ANKRD36: variants seen among roughly 807,000 people sequenced by gnomAD.
ANKRD36 encodes ankyrin repeat domain-containing protein 36A.
In ANKRD36, 179 loss-of-function variants were observed where a neutral mutation model predicts 278.1. That is an observed-to-expected ratio of 0.64 (90% CI 0.57 to 0.73). The LOEUF (loss-of-function observed/expected upper bound fraction) is 0.73, where lower values mean the gene tolerates loss of function less well. ANKRD36 is among the 30% of genes least tolerant of loss of function. The probability of loss-of-function intolerance (pLI) is 0.00; values close to 1 mark genes in which losing one functional copy is unlikely to be tolerated. For synonymous variants in ANKRD36, 320 were observed against 641.1 expected (o/e 0.50, Z 7.57); for missense variants, 1,159 against 1,956.7 (o/e 0.59, Z 7.69).
In ANKRD36 at chr2:97,144,643, A is replaced by G; in HGVS notation, c.934A>G (p.Thr312Ala). 2 of 1,544,266 alleles carry G rather than the reference A, an allele frequency of 1.3e-6. No individual in the cohort carries two copies. The highest frequency in any genetic ancestry group is 1.7e-6 in the Non-Finnish European group (2 of 1,147,702). Residue 312 changes from threonine (T) to alanine (A), a missense_variant, in exon 10 of 76, where the codon ACA (threonine) becomes GCA (alanine). By Grantham distance (58) the Thr-to-Ala change is moderately conservative (BLOSUM62 0). Transcript: ENST00000420699. Reference protein sequence around the residue: ...SSQKQPALKDTSDKDDSVSNT... With the variant: ...SSQKQPALKDASDKDDSVSNT... ...TTTTGTTTGAAATCCCACTCAGGATACAAGTGACAAGGATGATTCTGTTTC... is the reference window on the plus strand; with the variant it reads ...TTTTGTTTGAAATCCCACTCAGGATGCAAGTGACAAGGATGATTCTGTTTC...
rs1277613630 is a variant in ANKRD36, at chr2:97,144,730, A to G, written c.1003+18A>G. On this transcript the variant is annotated intron_variant, in intron 10 of 75. Transcript: ENST00000420699. ...TGGGACAGGTAATTTTGCAATACAC[A>G]TTTAATGCCATGTACAGTCAAGATA... The G allele has an allele frequency of 9.1e-6, 14 of 1,543,128 alleles. 1 individual carries two copies. The highest frequency in any genetic ancestry group is 1.4e-5 in the African/African-American group (1 of 72,950).
At chr2:97,221,277 C>T (rs2067586741) in intron 66 of ANKRD36, among the ~76,000 whole-genome samples, 1 of 92,154 alleles carries the variant, frequency 1.1e-5, no homozygotes, top group Non-Finnish European at 1.9e-5. Flanking sequence ...ATTTATAGTC[C>T]TTTGGGTATA....
intron 38 of ANKRD36, among the ~76,000 whole-genome samples, chr2:97,193,974 TATCTA>T (rs1172676074): frequency 6.6e-6 from 1 of 151,700 alleles, no homozygotes; most frequent in Non-Finnish European, 1.5e-5. Context: ...AACTGAGTAA[TATCTA>T]ATGCTTGTAG....
At chr2:97,144,736 T>A in intron 10 of ANKRD36, 24 bp downstream of exon 10, 1 of 1,542,698 alleles carries the variant, frequency 6.5e-7, no homozygotes, top group East Asian at 2.4e-5. Context: ...ACACATTTAA[T>A]GCCATGTACA....
chr2:97,164,514 A>G lies in ANKRD36; in HGVS notation c.1531+45A>G, dbSNP rs1196819006. ...TTTCGTTCTAGAAAATGTAGATGAA[A>G]ATATTGAAAATGCTCATAGTTTTTT... On this transcript the variant is annotated intron_variant, in intron 20 of 75. Coordinates refer to ENST00000420699, the MANE Select transcript of ANKRD36 (RefSeq NM_001354587.1). 22 of 1,520,642 alleles carry G rather than the reference A, an allele frequency of 1.4e-5. No individual in the cohort carries two copies. In the East Asian group the frequency reaches 5.4e-4, roughly 37 times the overall value. 94.2% of individuals were successfully genotyped at this position (1,520,642 alleles called of 1,614,324 possible).
chr2:97,213,949 T>C (rs1248522752), intron 60 of ANKRD36, among the ~76,000 whole-genome samples: 1 of 151,690 alleles, frequency 6.6e-6, no homozygotes, highest in Non-Finnish European at 1.5e-5. Flanking sequence ...ATGAAGTATA[T>C]ATTTTACAGA....
At chr2:97,190,585 C>T (rs535360562) in intron 34 of ANKRD36, among the ~76,000 whole-genome samples, 11 of 151,514 alleles carry the variant, frequency 7.3e-5, no homozygotes, top group Non-Finnish European at 1.5e-4. Context: ...TGGTATAAAT[C>T]CTTTTGATTT....
intron 22 of ANKRD36, among the ~76,000 whole-genome samples, chr2:97,170,850 A>G (rs1575268709): frequency 6.6e-6 from 1 of 150,804 alleles, no homozygotes; most frequent in East Asian, 2.0e-4. Context: ...AAACAAATTT[A>G]CAAGAAAAAA....
At position 97,118,327 on chromosome 2, in the gene ANKRD36, C is replaced by T. The variant is rs543567723; in HGVS notation, c.313-17C>T. 9.3e-6 allele frequency: 15 copies of T among 1,610,184 alleles called. No homozygotes were observed. The highest frequency in any genetic ancestry group is 2.2e-5 in the East Asian group (1 of 44,882). ...GATTTTTCAGTATTTGCATGTTTCT[C>T]GGTCTAATACTGACAGGCTGTACAA... On this transcript the variant is annotated splice_polypyrimidine_tract_variant and intron_variant, in intron 2 of 75. Transcript: ENST00000420699.
intron 58 of ANKRD36, chr2:97,212,765 T>A (rs1184202495): frequency 1.2e-5 from 2 of 167,590 alleles, no homozygotes; most frequent in Non-Finnish European, 2.6e-5. Flanking sequence ...TTTGGTGCCA[T>A]GAGTGGATGA....
chr2:97,188,332 A>T (rs985493483), intron 32 of ANKRD36, among the ~76,000 whole-genome samples: 1 of 151,130 alleles, frequency 6.6e-6, no homozygotes, highest in African/African-American at 2.4e-5. Flanking sequence ...AAAACTGATT[A>T]ATATCTAATG....
chr2:97,137,139 A>G lies in ANKRD36; in HGVS notation c.800-5501A>G, dbSNP rs2041721060. The stretch of plus-strand genomic sequence containing the variant: ...TCCTACAAGGTCTAAGGCATGTACA[A>G]AAGTTCATAATTTTTTTTTTCTTTT... On this transcript the variant is annotated intron_variant, in intron 6 of 75. Transcript: ENST00000420699. Among the ~76,000 whole-genome samples, 4 of 152,022 alleles carry G rather than the reference A, an allele frequency of 2.6e-5. No homozygotes were observed. In the East Asian group the frequency reaches 5.8e-4, roughly 22 times the overall value.
chr2:97,193,937 G>A (rs1408202365), intron 38 of ANKRD36, among the ~76,000 whole-genome samples: 2 of 151,624 alleles, frequency 1.3e-5, no homozygotes, highest in African/African-American at 4.8e-5. Flanking sequence ...CATTTTCAAT[G>A]AATATTGCAG....
In ANKRD36 at chr2:97,179,951, A is replaced by T. The variant is rs775819231; in HGVS notation, c.1735+18A>T. The T allele has an allele frequency of 8.7e-6, 14 of 1,603,566 alleles. No individual in the cohort carries two copies. Among genetic ancestry groups the T allele is most frequent in the East Asian group, 2.2e-5 (1 of 44,800 alleles). On this transcript the variant is annotated intron_variant, in intron 24 of 75. Transcript: ENST00000420699. Reference sequence around the variant, plus strand: ...TGGGACAGGTAATTTTGCAAAACACATCTAATGTCATGTTCAATCAAGATG... The same window carrying T: ...TGGGACAGGTAATTTTGCAAAACACTTCTAATGTCATGTTCAATCAAGATG...
chr2:97,211,275 C>T (rs1174195619), intron 56 of ANKRD36, among the ~76,000 whole-genome samples: 4 of 151,880 alleles, frequency 2.6e-5, no homozygotes, highest in Non-Finnish European at 5.9e-5. Flanking sequence ...CCCGGCATAT[C>T]GACATTGATA....
intron 3 of ANKRD36, 68 bp from the exon 4 acceptor site, chr2:97,122,819 A>G: frequency 7.1e-7 from 1 of 1,414,280 alleles, no homozygotes. Context: ...TCTTACTTAC[A>G]TAAGGTTTTC....
chr2:97,229,449 A>C (rs1201973395), intron 67 of ANKRD36, among the ~76,000 whole-genome samples: 2 of 152,096 alleles, frequency 1.3e-5, no homozygotes, highest in African/African-American at 4.8e-5. Flanking sequence ...ATCAGAGACT[A>C]GGATTGCAAC....
rs1413627419 is a variant in ANKRD36 at position 97,196,788 on chromosome 2, G to C, written c.2653G>C (p.Val885Leu). The C allele has an allele frequency of 5.2e-6, 8 of 1,546,134 alleles. No individual in the cohort carries two copies. The highest frequency in any genetic ancestry group is 6.1e-6 in the Non-Finnish European group (7 of 1,147,016). ...ENKDGEKSRT[V>L]SSEKPPGLKA... The stretch of plus-strand genomic sequence containing the variant: ...CAAGGATGGAGAAAAATCTAGGACA[G>C]GTAATTCTGAAAACAGATTTAATGT... The change falls in exon 42 of 76, where the codon GTG (valine) becomes CTG (leucine). Residue 885 changes from valine to leucine, a missense_variant and splice_region_variant. Transcript: ENST00000420699.
chr2:97,126,989 C>G (rs1379900986), intron 5 of ANKRD36, 78 bp from the exon 6 acceptor site: 6 of 539,354 alleles, frequency 1.1e-5, no homozygotes, highest in South Asian at 4.5e-5. Flanking sequence ...GTTCAAGATA[C>G]TCTAATAATT....
Sources: gnomAD v4.1 joint callset for allele counts (sites outside exome capture counted in the v4.1 genomes callset) on GRCh38, gnomAD v4.1.1 for gene constraint, MANE v1.5 for transcripts, NCBI Gene and HGNC (gene_info 2026-07-23, HGNC 2026-07-21) for gene names.